Variants in LCOR observed in about 807,000 individuals in gnomAD.
LCOR encodes ligand dependent nuclear receptor corepressor.
LCOR carries 14 observed loss-of-function variants against 64.4 expected under a neutral mutation model. That is an observed-to-expected ratio of 0.22 (90% confidence interval 0.14 to 0.34). The LOEUF (loss-of-function observed/expected upper bound fraction) is 0.34, where lower values mean the gene tolerates loss of function less well. Among genes scored for constraint, LCOR ranks in the 10% least tolerant of loss-of-function variants. LCOR has a pLI of 1.00. For synonymous variants in LCOR, 643 were observed against 642.5 expected, an observed-to-expected ratio of 1.00 and a Z score of -0.01; for missense variants, 1,686 against 1,765.3, an observed-to-expected ratio of 0.96 and a Z score of 0.80.
rs1035259432 is a variant in LCOR at position 96,841,842 on chromosome 10, C to G, written c.-330+8363C>G. On this transcript the variant is annotated intron_variant, in intron 2 of 7. Coordinates refer to ENST00000421806, the MANE Select transcript of LCOR (RefSeq NM_001346516.2). ...CTCGAGCTCCTGGACTCAAGCAGTCCTCCCACCTCAACGTCCCAAAGTGCT... is the reference window on the plus strand; with the variant it reads ...CTCGAGCTCCTGGACTCAAGCAGTCGTCCCACCTCAACGTCCCAAAGTGCT... Among the ~76,000 whole-genome samples, 17 of 151,766 alleles carry G rather than the reference C, an allele frequency of 1.1e-4. No individual in the cohort carries two copies. The East Asian group carries it at 3.3e-3, about 29-fold the overall frequency.
At chr10:96,974,963 G>A (rs1019861322) in intron 7 of LCOR, among the ~76,000 whole-genome samples, 7 of 152,190 alleles carry the variant, frequency 4.6e-5, no homozygotes, top group Non-Finnish European at 7.3e-5. Context: ...GAGGTCAGGC[G>A]CTTAAGACCA....
intron 2 of LCOR, among the ~76,000 whole-genome samples, chr10:96,837,922 TCA>T (rs1005841144): frequency 1.3e-5 from 2 of 152,228 alleles, no homozygotes; most frequent in Admixed American, 6.5e-5. Flanking sequence ...GTGTGGAATC[TCA>T]GTTTGTGATA....
At chr10:96,929,844 C>G (rs1847227583) in intron 4 of LCOR, among the ~76,000 whole-genome samples, 1 of 152,086 alleles carries the variant, frequency 6.6e-6, no homozygotes, top group Non-Finnish European at 1.5e-5. Flanking sequence ...ATTAACTGGC[C>G]TAATTTCTAT....
At chr10:96,913,769 A>G (rs530165735) in intron 4 of LCOR, among the ~76,000 whole-genome samples, 10 of 152,308 alleles carry the variant, frequency 6.6e-5, no homozygotes, top group Non-Finnish European at 1.5e-4. Context: ...TGAAAATACA[A>G]AAATTTTAGC....
At chr10:96,865,140 A>G (rs1168299296) in intron 2 of LCOR, among the ~76,000 whole-genome samples, 31 of 152,146 alleles carry the variant, frequency 2.0e-4, no homozygotes, top group Admixed American at 2.0e-3. Flanking sequence ...AGAAAAAGCA[A>G]AGTTAGATCT....
intron 2 of LCOR, among the ~76,000 whole-genome samples, chr10:96,878,408 T>C (rs897613958): frequency 1.3e-5 from 2 of 152,160 alleles, no homozygotes; most frequent in Non-Finnish European, 2.9e-5. Flanking sequence ...TGTAAATATA[T>C]TAGATTGATA....
chr10:96,920,668 ATG>A (rs1196928886), intron 4 of LCOR, among the ~76,000 whole-genome samples: 1 of 134,432 alleles, frequency 7.4e-6, no homozygotes, highest in Admixed American at 7.2e-5. Context: ...ATATGTATAT[ATG>A]TATATATTCA....
At chr10:96,836,510 G>T (rs1479102810) in intron 2 of LCOR, among the ~76,000 whole-genome samples, 3 of 152,178 alleles carry the variant, frequency 2.0e-5, no homozygotes, top group Non-Finnish European at 4.4e-5. Context: ...GGCACTGTGG[G>T]CAAACAAAGT....
At chr10:96,893,584 G>A (rs375806887) in intron 2 of LCOR, among the ~76,000 whole-genome samples, 182 of 152,086 alleles carry the variant, frequency 1.2e-3, no homozygotes, top group Middle Eastern at 3.4e-3. Context: ...CCAATATGGC[G>A]AAACCCGGTC....
At chr10:96,933,344 C>T (rs1318668696) in intron 4 of LCOR, among the ~76,000 whole-genome samples, 1 of 152,072 alleles carries the variant, frequency 6.6e-6, no homozygotes, top group Non-Finnish European at 1.5e-5. Flanking sequence ...TGTAGGATTT[C>T]TGTGCAATAT....
intron 2 of LCOR, among the ~76,000 whole-genome samples, chr10:96,849,234 C>T (rs569607378): frequency 3.3e-5 from 5 of 152,048 alleles, no homozygotes; most frequent in African/African-American, 1.2e-4. Flanking sequence ...ACCACCACAC[C>T]TGGCTAATTT....
At chr10:96,973,123 C>T (rs926763950) in intron 7 of LCOR, among the ~76,000 whole-genome samples, 11 of 152,132 alleles carry the variant, frequency 7.2e-5, no homozygotes, top group Non-Finnish European at 1.6e-4. Flanking sequence ...CTATCTACAT[C>T]CAAATTTAGA....
At chr10:96,966,210 C>G (rs1431704368) in intron 7 of LCOR, among the ~76,000 whole-genome samples, 1 of 147,774 alleles carries the variant, frequency 6.8e-6, no homozygotes, top group Non-Finnish European at 1.5e-5. Flanking sequence ...ATTTTTCCCC[C>G]CAAAGGACTC....
At position 96,891,528 on chromosome 10, in the gene LCOR, CTCTTTTTTTTTTTTTTTT is replaced by C. The variant is rs1178485155; in HGVS notation, c.-329-15735_-329-15718del. On this transcript the variant is annotated intron_variant, in intron 2 of 7. Coordinates refer to ENST00000421806, the MANE Select transcript of LCOR (RefSeq NM_001346516.2). ...GAGACAGGGTCTTACTCTGTCTTGA[CTCTTTTTTTTTTTTTTTT>C]TTTTTTTTTTTTTTTTTTGAGACAG... 3.3e-4 allele frequency among the ~76,000 whole-genome samples: 4 copies of C among 12,244 alleles called. No homozygotes were observed. The East Asian group carries it at 8.6e-3, about 26-fold the overall frequency. The allele number at this position is 12,244 out of a possible 152,430, so 8.0% of individuals were successfully genotyped here.
At chr10:96,889,683 C>T (rs192811870) in intron 2 of LCOR, among the ~76,000 whole-genome samples, 15 of 152,244 alleles carry the variant, frequency 9.9e-5, no homozygotes, top group African/African-American at 2.6e-4. Flanking sequence ...GGGGTTAGGG[C>T]GTTAACATGA....
chr10:96,918,735 G>GT lies in LCOR; in HGVS notation c.-184+10990dup, dbSNP rs1488018906. ...AGTCAGTGTAACTTCAGGAGTTACAGTTGGTAGGAATTAAATCAGGCATGA... is the reference window on the plus strand; with the variant it reads ...AGTCAGTGTAACTTCAGGAGTTACAGTTTGGTAGGAATTAAATCAGGCATGA... On this transcript the variant is annotated intron_variant, in intron 4 of 7. Transcript: ENST00000421806. Among the ~76,000 whole-genome samples the GT allele has an allele frequency of 2.0e-5, 3 of 152,352 alleles. No homozygotes were observed. In the South Asian group the frequency reaches 6.2e-4, roughly 32 times the overall value.
At chr10:96,841,918 C>G (rs934947444) in intron 2 of LCOR, among the ~76,000 whole-genome samples, 5 of 150,706 alleles carry the variant, frequency 3.3e-5, no homozygotes, top group Non-Finnish European at 7.4e-5. Flanking sequence ...ATTATTTTTA[C>G]TCATAATACT....
intron 4 of LCOR, among the ~76,000 whole-genome samples, chr10:96,932,865 G>A (rs1037481515): frequency 6.6e-6 from 1 of 152,100 alleles, no homozygotes; most frequent in East Asian, 1.9e-4. Flanking sequence ...CTTTTCCTTA[G>A]AAAAAAGTTT....
chr10:96,856,291 T>C (rs900052566), intron 2 of LCOR, among the ~76,000 whole-genome samples: 1 of 152,220 alleles, frequency 6.6e-6, no homozygotes, highest in Non-Finnish European at 1.5e-5. Flanking sequence ...CTCGAAATCC[T>C]GACCTTGTGA....
Sources: gnomAD v4.1 joint callset for allele counts (sites outside exome capture counted in the v4.1 genomes callset) on GRCh38, gnomAD v4.1.1 for gene constraint, MANE v1.5 for transcripts, NCBI Gene and HGNC (gene_info 2026-07-23, HGNC 2026-07-21) for gene names.